PDILT: variants seen among roughly 807,000 people sequenced by gnomAD.
PDILT encodes protein disulfide-isomerase-like protein of the testis.
A neutral mutation model predicts 53.7 loss-of-function variants in PDILT; 43 were observed. The ratio of observed to expected loss-of-function variants is 0.80; its 90% CI spans 0.63 to 1.03. PDILT has a LOEUF of 1.03. Ranked by LOEUF, PDILT falls within the 50% of genes least tolerant of loss-of-function variation. PDILT has a pLI of 0.00. For missense variants in PDILT, 727 were observed against 712.3 expected (o/e 1.02, Z -0.24); for synonymous variants, 282 against 274.2 (o/e 1.03, Z -0.28).
At chr16:20,363,471 GTGTA>G (rs199502395) in intron 9 of PDILT, among the ~76,000 whole-genome samples, 14,061 of 43,486 alleles carry the variant, frequency 0.32, 701 homozygotes, top group South Asian at 0.38. Context: ...TTTTGTGTAT[GTGTA>G]TGTGTGTGTG....
chr16:20,359,425 T>A lies in PDILT; in HGVS notation c.1649A>T (p.Glu550Val), dbSNP rs763787161. The A allele has an allele frequency of 6.2e-7, 1 of 1,614,186 alleles. No individual in the cohort carries two copies. Among genetic ancestry groups the A allele is most frequent in the African/African-American group, 1.3e-5 (1 of 75,034 alleles). Residue 550 changes from glutamate (E) to valine (V), a missense_variant, in exon 12 of 12, where the codon GAG (glutamate) becomes GTG (valine). Glu to Val is a moderately radical substitution (Grantham distance 121). Transcript: ENST00000302451. ...NMTKYVSKLEEPAGKKKTSEE... is the reference protein window; with the variant it reads ...NMTKYVSKLEVPAGKKKTSEE... ...AGATGTTTTCTTCTTCCCAGCGGGC[T>A]CTTCCAGCTTGGATACGTACTTGGT...
rs114997829 is a variant in PDILT at position 20,402,621 on chromosome 16, G to A, written c.-8+1875C>T. ...GCTGATATTTTAAAATAGGGTGACCGTGGGAAAGCTTCATTTAGAAGTTGA... is the reference window on the plus strand; with the variant it reads ...GCTGATATTTTAAAATAGGGTGACCATGGGAAAGCTTCATTTAGAAGTTGA... On this transcript the variant is annotated intron_variant, in intron 1 of 11. Coordinates refer to ENST00000302451, the MANE Select transcript of PDILT (RefSeq NM_174924.2). 3.2e-3 allele frequency among the ~76,000 whole-genome samples: 492 copies of A among 152,318 alleles called. 4 individuals are homozygous for A. Among genetic ancestry groups the A allele is most frequent in the African/African-American group, 0.011 (452 of 41,574 alleles).
At chr16:20,401,175 C>T (rs1045282844) in intron 1 of PDILT, among the ~76,000 whole-genome samples, 15 of 152,222 alleles carry the variant, frequency 9.9e-5, no homozygotes, top group African/African-American at 3.4e-4. Context: ...CCAAAGGGCT[C>T]ATTACTGTCA....
intron 1 of PDILT, among the ~76,000 whole-genome samples, chr16:20,402,485 G>T (rs1330397590): frequency 1.3e-5 from 2 of 152,232 alleles, no homozygotes; most frequent in South Asian, 2.1e-4. Context: ...TTTTAGTAGA[G>T]ACAGGGTTTC....
At chr16:20,367,304 A>T (rs1294285883) in intron 8 of PDILT, among the ~76,000 whole-genome samples, 7 of 151,932 alleles carry the variant, frequency 4.6e-5, no homozygotes, top group Non-Finnish European at 8.8e-5. Flanking sequence ...GGGTTTTACC[A>T]TGTTGACCCT....
At chr16:20,363,863 G>T (rs534766118) in intron 9 of PDILT, among the ~76,000 whole-genome samples, 1 of 152,140 alleles carries the variant, frequency 6.6e-6, no homozygotes, top group African/African-American at 2.4e-5. Flanking sequence ...CCAGGCTCCT[G>T]GGCCTCTGGA....
chr16:20,376,028 C>T (rs767853030), intron 4 of PDILT, 40 bp downstream of exon 4: 14 of 1,611,634 alleles, frequency 8.7e-6, no homozygotes, highest in Non-Finnish European at 1.2e-5. Context: ...CAGCACTTCT[C>T]ATCAGTTGAA....
At chr16:20,382,161 A>C (rs1966469514) in intron 3 of PDILT, among the ~76,000 whole-genome samples, 2 of 152,116 alleles carry the variant, frequency 1.3e-5, no homozygotes, top group Non-Finnish European at 2.9e-5. Context: ...AGCCTCCCAG[A>C]GTGTTGGGAT....
At chr16:20,403,706 G>A (rs891304675) in intron 1 of PDILT, among the ~76,000 whole-genome samples, 2 of 151,142 alleles carry the variant, frequency 1.3e-5, no homozygotes, top group African/African-American at 2.4e-5. Context: ...TCGCAAAACC[G>A]CACACCAGCC....
intron 1 of PDILT, among the ~76,000 whole-genome samples, chr16:20,402,359 C>A (rs773474578): frequency 1.3e-5 from 2 of 150,104 alleles, no homozygotes; most frequent in African/African-American, 5.0e-5. Flanking sequence ...AATGCAGTGG[C>A]GCGATCTCGG....
At chr16:20,366,977 TTCCTTC>T (rs1567320375) in intron 8 of PDILT, among the ~76,000 whole-genome samples, 2,677 of 58,784 alleles carry the variant, frequency 0.046, 158 homozygotes, top group South Asian at 0.073. Flanking sequence ...CCTTCCTTCC[TTCCTTC>T]CTTCCTTTCT....
intron 11 of PDILT, among the ~76,000 whole-genome samples, chr16:20,360,324 C>G (rs1194741514): frequency 1.3e-5 from 2 of 152,066 alleles, no homozygotes; most frequent in Admixed American, 6.6e-5. Flanking sequence ...AGGCAAGGAG[C>G]TGTGTGTTAC....
At chr16:20,369,052 C>T (rs1021972926) in intron 8 of PDILT, among the ~76,000 whole-genome samples, 2 of 152,156 alleles carry the variant, frequency 1.3e-5, no homozygotes, top group Non-Finnish European at 2.9e-5. Context: ...CCTTTCTAAC[C>T]CCATCCAACC....
chr16:20,369,088 T>A (rs1344020167), intron 8 of PDILT, among the ~76,000 whole-genome samples: 3 of 152,210 alleles, frequency 2.0e-5, no homozygotes, highest in African/African-American at 7.2e-5. Context: ...CTTTTAAGGC[T>A]ACATCTTGAT....
intron 1 of PDILT, among the ~76,000 whole-genome samples, chr16:20,400,014 C>CCA (rs1567333374): frequency 1.2e-5 from 1 of 85,270 alleles, no homozygotes; most frequent in Non-Finnish European, 2.8e-5. Context: ...GAATATATCT[C>CCA]TATCTATCTA....
intron 3 of PDILT, among the ~76,000 whole-genome samples, chr16:20,384,194 A>G (rs186531228): frequency 3.3e-5 from 5 of 152,254 alleles, no homozygotes; most frequent in Admixed American, 1.3e-4. Context: ...GATAGTTTCT[A>G]AGCCATGCAC....
Position 20,359,241 on chromosome 16 carries a change from T to C in PDILT, c.*78A>G. On this transcript the variant is annotated 3_prime_UTR_variant, in exon 12 of 12. Transcript: ENST00000302451. ...CCTACCCTACCACAATGATATATGC[T>C]TTTATTGGAATCAATCCATTCAGAA... 6.4e-7 allele frequency: 1 copy of C among 1,569,782 alleles called. No individual in the cohort carries two copies. The highest frequency in any genetic ancestry group is 1.2e-5 in the South Asian group (1 of 82,482).
At position 20,359,566 on chromosome 16, in the gene PDILT, A is replaced by C; in HGVS notation, c.1508T>G (p.Leu503Arg). ...CACTTCATTTTGCTCAACAGACAAC[A>C]GCTATGAAAGCAAAGGTGGAAGGAA... ...IKTKIEDEDE[L>R]LSVEQNEVIE... The change falls in exon 12 of 12, where the codon CTG (leucine) becomes CGG (arginine). Residue 503 changes from leucine (L) to arginine (R), a missense_variant and splice_region_variant. Coordinates refer to ENST00000302451, the MANE Select transcript of PDILT (RefSeq NM_174924.2). 1 of 1,613,244 alleles carries C rather than the reference A, an allele frequency of 6.2e-7. No homozygotes were observed. The highest frequency in any genetic ancestry group is 8.5e-7 in the Non-Finnish European group (1 of 1,179,308).
intron 1 of PDILT, among the ~76,000 whole-genome samples, chr16:20,399,843 T>A (rs919559403): frequency 1.3e-5 from 2 of 151,816 alleles, no homozygotes; most frequent in Admixed American, 6.6e-5. Flanking sequence ...TAAAAAGTCA[T>A]AACTATAATA....
Sources: gnomAD v4.1 joint callset for allele counts (sites outside exome capture counted in the v4.1 genomes callset) on GRCh38, gnomAD v4.1.1 for gene constraint, MANE v1.5 for transcripts, NCBI Gene and HGNC (gene_info 2026-07-23, HGNC 2026-07-21) for gene names.